The following SLC25A36 variants were observed in gnomAD, a reference collection of about 807,000 sequenced individuals.
SLC25A36 encodes epididymis secretory sperm binding protein.
A neutral mutation model predicts 35.3 loss-of-function variants in SLC25A36; 24 were observed. The ratio of observed to expected loss-of-function variants is 0.68; its 90% confidence interval spans 0.49 to 0.96. The LOEUF is 0.96. Ranked by LOEUF, SLC25A36 falls within the 40% of genes least tolerant of loss-of-function variation. The pLI, the probability that SLC25A36 is intolerant of heterozygous loss-of-function variation, is 0.00. For missense variants in SLC25A36, 294 were observed against 381.1 expected (o/e 0.77, Z 1.90); for synonymous variants, 141 against 132.2 (o/e 1.07, Z -0.46).
At chr3:140,975,740 TG>T (rs1576490430) in intron 6 of SLC25A36, among the ~76,000 whole-genome samples, 1 of 152,222 alleles carries the variant, frequency 6.6e-6, no homozygotes, top group African/African-American at 2.4e-5. Context: ...ATTCCCAGAC[TG>T]GGTTTTATAG....
chr3:140,953,400 G>T (rs1221170808), intron 1 of SLC25A36, among the ~76,000 whole-genome samples: 1 of 149,706 alleles, frequency 6.7e-6, no homozygotes, highest in Non-Finnish European at 1.5e-5. Context: ...ATTTTTTGGG[G>T]GGGGGGTTAA....
chr3:140,961,851 G>T (rs1485731972), intron 3 of SLC25A36, among the ~76,000 whole-genome samples: 1 of 77,464 alleles, frequency 1.3e-5, no homozygotes. Flanking sequence ...GCGAGGCTCC[G>T]TCTCAAAAAA....
chr3:140,963,848 A>G (rs577619121), intron 4 of SLC25A36: 6 of 152,126 alleles, frequency 3.9e-5, no homozygotes, highest in African/African-American at 9.6e-5. Flanking sequence ...GTCATCACTG[A>G]TAAGTATATA....
chr3:140,968,798 ATCT>A (rs1051098323), intron 4 of SLC25A36: 5 of 695,228 alleles, frequency 7.2e-6, no homozygotes, highest in South Asian at 1.3e-4. Context: ...TTAGGTGCTC[ATCT>A]TCTTTTCAAA....
Position 140,980,197 on chromosome 3 carries a change from T to G in SLC25A36, c.*3744T>G, listed in dbSNP as rs1263989857. Among the ~76,000 whole-genome samples, 1 of 152,160 alleles carries G rather than the reference T, an allele frequency of 6.6e-6. No homozygotes were observed. Among genetic ancestry groups the G allele is most frequent in the African/African-American group, 2.4e-5 (1 of 41,414 alleles). On this transcript the variant is annotated 3_prime_UTR_variant, in exon 7 of 7. Coordinates refer to ENST00000324194, the MANE Select transcript of SLC25A36 (RefSeq NM_001104647.3). ...GCATATCTTCCACAGGTTTATTGACTTTTATCCAACACTTTTCATGTTTTA... is the reference window on the plus strand; with the variant it reads ...GCATATCTTCCACAGGTTTATTGACGTTTATCCAACACTTTTCATGTTTTA...
chr3:140,972,175 A>C (rs1934921156), intron 5 of SLC25A36, among the ~76,000 whole-genome samples: 1 of 152,216 alleles, frequency 6.6e-6, no homozygotes, highest in Admixed American at 6.5e-5. Flanking sequence ...ATTGTAAACT[A>C]CCAGAGTTAG....
intron 3 of SLC25A36, 64 bp downstream of exon 3, chr3:140,959,604 G>T: frequency 1.4e-6 from 1 of 706,298 alleles, no homozygotes; most frequent in Non-Finnish European, 2.2e-6. Flanking sequence ...AGCACACCTG[G>T]ATTTAATCAT....
intron 1 of SLC25A36, among the ~76,000 whole-genome samples, chr3:140,946,612 GATA>G (rs1351870613): frequency 1.3e-5 from 2 of 152,180 alleles, no homozygotes; most frequent in Non-Finnish European, 2.9e-5. Context: ...CGAAGGTAAA[GATA>G]ATAAGATTTT....
intron 1 of SLC25A36, among the ~76,000 whole-genome samples, chr3:140,952,675 A>G (rs574943691): frequency 3.3e-5 from 5 of 152,240 alleles, no homozygotes; most frequent in African/African-American, 1.2e-4. Context: ...CATCTTTACA[A>G]CAAGCGTGTG....
chr3:140,956,827 C>T (rs1934492941), intron 2 of SLC25A36, 136 bp downstream of exon 2: 5 of 1,321,256 alleles, frequency 3.8e-6, no homozygotes, highest in Non-Finnish European at 4.9e-6. Context: ...GAATTGTACT[C>T]ATAAGGAATG....
chr3:140,973,012 A>T (rs1374796178), intron 5 of SLC25A36: 1 of 152,148 alleles, frequency 6.6e-6, no homozygotes. Context: ...TGTGTAGGAG[A>T]TGTTGTATTC....
At chr3:140,957,755 A>G (rs1054075087) in intron 2 of SLC25A36, among the ~76,000 whole-genome samples, 3 of 152,208 alleles carry the variant, frequency 2.0e-5, no homozygotes, top group Non-Finnish European at 4.4e-5. Context: ...AAAAAATGCT[A>G]TAGTTATACA....
In SLC25A36 at chr3:140,978,278, T is replaced by C. The variant is rs1935102567; in HGVS notation, c.*1825T>C. On this transcript the variant is annotated 3_prime_UTR_variant, in exon 7 of 7. Transcript: ENST00000324194. ...TTACCTTTGGAATTATTCGTACCTT[T>C]TATGGTAAATTTCAGCTTTGACATG... is the stretch of plus-strand genomic sequence containing the variant. The C allele has an allele frequency of 6.6e-6, 1 of 152,170 alleles. No individual in the cohort carries two copies. The highest frequency in any genetic ancestry group is 6.6e-5 in the Admixed American group (1 of 15,264). The allele number at this position is 152,170 out of a possible 1,614,324, so 9.4% of individuals were successfully genotyped here. A position where few individuals can be genotyped will look rare whatever the true frequency, so the allele number is the denominator to read the frequency against.
At chr3:140,967,556 G>A (rs1208546214) in intron 4 of SLC25A36, among the ~76,000 whole-genome samples, 1 of 151,474 alleles carries the variant, frequency 6.6e-6, no homozygotes, top group Non-Finnish European at 1.5e-5. Flanking sequence ...CATTTAGGAG[G>A]TTAGGTGGGC....
At chr3:140,958,472 A>G (rs1403496299) in intron 2 of SLC25A36, among the ~76,000 whole-genome samples, 1 of 152,212 alleles carries the variant, frequency 6.6e-6, no homozygotes, top group African/African-American at 2.4e-5. Flanking sequence ...AAATTTCCCA[A>G]TGTCAGGGGC....
chr3:140,959,657 A>G (rs1934580567), intron 3 of SLC25A36, 117 bp downstream of exon 3: 1 of 459,118 alleles, frequency 2.2e-6, no homozygotes, highest in African/African-American at 2.0e-5. Flanking sequence ...TTCAATGTTT[A>G]TGGGAAGTTA....
chr3:140,975,378 C>T (rs138994350), intron 6 of SLC25A36, among the ~76,000 whole-genome samples: 3 of 152,118 alleles, frequency 2.0e-5, no homozygotes, highest in East Asian at 3.9e-4. Flanking sequence ...GAATGCTAGT[C>T]AGGCTCAGGC....
chr3:140,959,375 G>A (rs556165003), intron 2 of SLC25A36, 88 bp from the exon 3 acceptor site: 11 of 763,738 alleles, frequency 1.4e-5, no homozygotes, highest in African/African-American at 9.5e-5. Flanking sequence ...CAAATGTACT[G>A]GATTTAGACT....
At chr3:140,949,257 G>C (rs976904987) in intron 1 of SLC25A36, among the ~76,000 whole-genome samples, 2 of 152,086 alleles carry the variant, frequency 1.3e-5, no homozygotes, top group African/African-American at 4.8e-5. Flanking sequence ...AGCAACATTT[G>C]AAAGTTCTTA....
Sources: allele counts gnomAD v4.1 joint callset (sites outside exome capture counted in the v4.1 genomes callset), GRCh38; gene constraint gnomAD v4.1.1; transcripts MANE v1.5; gene names NCBI Gene and HGNC (gene_info 2026-07-23, HGNC 2026-07-21).